The following DLC1 variants were observed in gnomAD, a reference collection of about 807,000 sequenced individuals.
The protein encoded by DLC1 is DLC1 Rho GTPase activating protein, also known as rho GTPase-activating protein 7.
In DLC1, 54 loss-of-function variants were observed where a neutral mutation model predicts 140.3. That is an observed-to-expected ratio of 0.38 (90% CI 0.31 to 0.48). The LOEUF (loss-of-function observed/expected upper bound fraction) is 0.48. DLC1 is among the 20% of genes least tolerant of loss of function. The pLI, the probability that DLC1 is intolerant of heterozygous loss-of-function variation, is 0.96. For synonymous variants in DLC1, 986 were observed against 728.1 expected, an observed-to-expected ratio of 1.35 and a Z score of -5.70; for missense variants, 2,536 against 1,907.0, an observed-to-expected ratio of 1.33 and a Z score of -6.14.
At chr8:13,376,467 C>A (rs1031850325) in intron 4 of DLC1, among the ~76,000 whole-genome samples, 1 of 152,142 alleles carries the variant, frequency 6.6e-6, no homozygotes. Context: ...GTGTAGAACC[C>A]CCTCCTCTTC....
chr8:13,546,976 A>G (rs12548602), intron 1 of DLC1, among the ~76,000 whole-genome samples: 10,419 of 152,190 alleles, frequency 0.068, 573 homozygotes, highest in Admixed American at 0.17. Context: ...TAAAAAACAT[A>G]GACTTAGTTT....
chr8:13,563,275 A>G (rs1804308459), intron 1 of DLC1, among the ~76,000 whole-genome samples: 1 of 152,198 alleles, frequency 6.6e-6, no homozygotes, highest in African/African-American at 2.4e-5. Context: ...AAATTTGAAC[A>G]CAGAATAATT....
At chr8:13,240,779 G>A (rs1161542604) in intron 5 of DLC1, among the ~76,000 whole-genome samples, 1 of 152,022 alleles carries the variant, frequency 6.6e-6, no homozygotes. Flanking sequence ...AGTTGGTGAT[G>A]GCCAATTTCT....
chr8:13,229,239 A>G (rs1828936584), intron 5 of DLC1, among the ~76,000 whole-genome samples: 1 of 152,240 alleles, frequency 6.6e-6, no homozygotes, highest in Admixed American at 6.5e-5. Context: ...CACACAGCAG[A>G]ATATCATTTG....
intron 4 of DLC1, among the ~76,000 whole-genome samples, chr8:13,318,344 A>G (rs1387554232): frequency 6.6e-6 from 1 of 152,114 alleles, no homozygotes; most frequent in African/African-American, 2.4e-5. Flanking sequence ...AACTAATATA[A>G]TCTTAATAAC....
intron 2 of DLC1, among the ~76,000 whole-genome samples, chr8:13,440,025 G>C (rs1798422484): frequency 1.3e-5 from 2 of 152,274 alleles, no homozygotes; most frequent in Non-Finnish European, 1.5e-5. Context: ...TTCAATCTGT[G>C]AGACGGTAAT....
At position 13,272,197 on chromosome 8, in the gene DLC1, C is replaced by T. The variant is rs79169604; in HGVS notation, c.1348+33072G>A. On this transcript the variant is annotated intron_variant, in intron 5 of 17. Transcript: ENST00000276297. Reference sequence around the variant, plus strand: ...GCCCAGTGGCTCATGCCTGTAATCTCGGCAATTTGCGAGGCCAAAGTGGGT... The same window carrying T: ...GCCCAGTGGCTCATGCCTGTAATCTTGGCAATTTGCGAGGCCAAAGTGGGT... Among the ~76,000 whole-genome samples the T allele has an allele frequency of 1.6e-3, 238 of 152,246 alleles. 2 individuals are homozygous for T. In the East Asian group the frequency reaches 0.028, roughly 18 times the overall value.
chr8:13,236,683 A>G (rs948859179), intron 5 of DLC1, among the ~76,000 whole-genome samples: 1 of 152,136 alleles, frequency 6.6e-6, no homozygotes, highest in Non-Finnish European at 1.5e-5. Flanking sequence ...AGATGGTCCA[A>G]AAAAATAAAT....
rs1554530199 is a variant in DLC1, at chr8:13,489,409, C to CAATACACACACACA, written c.1023+9639_1023+9640insTGTGTGTGTGTATT. Among the ~76,000 whole-genome samples, 5 of 8,976 alleles carry CAATACACACACACA rather than the reference C, an allele frequency of 5.6e-4. No homozygotes were observed. The East Asian group carries it at 0.012, about 21-fold the overall frequency. The allele number at this position is 8,976 out of a possible 152,430, so 5.9% of individuals were successfully genotyped here. ...AGGGCAATTTAGTAAAACACACACA[C>CAATACACACACACA]CATACACACACACACACACACACAC... On this transcript the variant is annotated intron_variant, in intron 2 of 17. Transcript: ENST00000276297.
At chr8:13,592,471 T>A (rs1244813641) in intron 1 of DLC1, among the ~76,000 whole-genome samples, 2 of 152,114 alleles carry the variant, frequency 1.3e-5, no homozygotes, top group Non-Finnish European at 2.9e-5. Flanking sequence ...ATTAACTTAC[T>A]TTTTGCTTTA....
intron 5 of DLC1, among the ~76,000 whole-genome samples, chr8:13,212,046 G>C (rs996140343): frequency 1.3e-5 from 2 of 152,172 alleles, no homozygotes; most frequent in Non-Finnish European, 2.9e-5. Flanking sequence ...AGCTGGTACT[G>C]TCCCTGATAG....
intron 5 of DLC1, among the ~76,000 whole-genome samples, chr8:13,210,890 G>C (rs554565814): frequency 6.6e-6 from 1 of 152,146 alleles, no homozygotes; most frequent in Admixed American, 6.6e-5. Context: ...TAATCTATTA[G>C]TTTTAAATCA....
At chr8:13,479,255 A>T (rs1464579187) in intron 2 of DLC1, among the ~76,000 whole-genome samples, 1 of 152,236 alleles carries the variant, frequency 6.6e-6, no homozygotes, top group Non-Finnish European at 1.5e-5. Context: ...ATATGACTGC[A>T]ACAATAAATG....
chr8:13,218,887 T>C (rs190189657), intron 5 of DLC1, among the ~76,000 whole-genome samples: 1 of 122,556 alleles, frequency 8.2e-6, no homozygotes, highest in African/African-American at 3.2e-5. Context: ...TAATTATATA[T>C]GAATATATAT....
At chr8:13,576,519 A>T (rs559359646) in intron 1 of DLC1, among the ~76,000 whole-genome samples, 1 of 152,238 alleles carries the variant, frequency 6.6e-6, no homozygotes, top group Admixed American at 6.5e-5. Context: ...GATCCTGAAA[A>T]GTTGTAAAAG....
intron 5 of DLC1, among the ~76,000 whole-genome samples, chr8:13,277,469 A>G (rs1447275353): frequency 1.3e-5 from 2 of 152,216 alleles, no homozygotes; most frequent in Non-Finnish European, 2.9e-5. Flanking sequence ...CCCTGATTTT[A>G]TGAATCTTCT....
At chr8:13,090,812 T>C (rs1280757885) in intron 14 of DLC1, among the ~76,000 whole-genome samples, 6 of 150,360 alleles carry the variant, frequency 4.0e-5, no homozygotes, top group Middle Eastern at 3.5e-3. Flanking sequence ...TTTCTTTCTT[T>C]TTTTTTTTTT....
chr8:13,375,027 ATTT>A (rs35721536), intron 4 of DLC1, among the ~76,000 whole-genome samples: 18 of 134,054 alleles, frequency 1.3e-4, no homozygotes, highest in South Asian at 2.3e-4. Flanking sequence ...AATGCTTGTG[ATTT>A]TTTTTTTTTT....
chr8:13,514,982 C>A (rs1315486655), upstream of DLC1: 2 of 226,698 alleles, frequency 8.8e-6, no homozygotes, highest in East Asian at 8.6e-5. Context: ...GCCGCCTGGG[C>A]GTTTTAGGAG....
Sources: allele counts gnomAD v4.1 joint callset (sites outside exome capture counted in the v4.1 genomes callset), GRCh38; gene constraint gnomAD v4.1.1; transcripts MANE v1.5; gene names NCBI Gene and HGNC (gene_info 2026-07-23, HGNC 2026-07-21).